Variants in ISM1 observed in about 807,000 individuals in gnomAD.
The protein encoded by ISM1 is isthmin-1.
ISM1 carries 25 observed loss-of-function variants against 46.3 expected under a neutral mutation model. The observed-to-expected ratio is 0.54, with a 90% CI of 0.39 to 0.75. The LOEUF is 0.75. Among genes scored for constraint, ISM1 ranks in the 30% least tolerant of loss-of-function variants. The probability of loss-of-function intolerance (pLI) is 0.00; values close to 1 mark genes in which losing one functional copy is unlikely to be tolerated. For synonymous variants in ISM1, 255 were observed against 256.7 expected, an observed-to-expected ratio of 0.99 and a Z score of 0.06; for missense variants, 536 against 625.4, an observed-to-expected ratio of 0.86 and a Z score of 1.52.
chr20:13,265,434 A>G (rs973983633), intron 1 of ISM1, among the ~76,000 whole-genome samples: 3 of 152,282 alleles, frequency 2.0e-5, no homozygotes, highest in Admixed American at 2.0e-4. Flanking sequence ...TTCAGTGTAC[A>G]TCAGTCAAGT....
intron 1 of ISM1, among the ~76,000 whole-genome samples, chr20:13,244,878 C>T (rs1374434053): frequency 1.3e-5 from 2 of 152,158 alleles, no homozygotes; most frequent in East Asian, 3.8e-4. Flanking sequence ...TGCCAGTTTT[C>T]TATTGGAAGG....
chr20:13,234,069 G>A (rs2039620434), intron 1 of ISM1, among the ~76,000 whole-genome samples: 1 of 152,144 alleles, frequency 6.6e-6, no homozygotes, highest in Admixed American at 6.5e-5. Context: ...CTCATCACCT[G>A]AGTAGTGAAT....
chr20:13,233,394 G>A (rs998992864), intron 1 of ISM1, among the ~76,000 whole-genome samples: 1 of 151,926 alleles, frequency 6.6e-6, no homozygotes, highest in South Asian at 2.1e-4. Context: ...TCGGGAGTTC[G>A]AGACCAGCCT....
intron 1 of ISM1, among the ~76,000 whole-genome samples, chr20:13,222,525 T>C (rs993756590): frequency 6.6e-6 from 1 of 151,966 alleles, no homozygotes; most frequent in East Asian, 1.9e-4. Flanking sequence ...CCCTTGGTCA[T>C]GGGGAAGGTG....
Position 13,237,141 on chromosome 20 carries a change from A to G in ISM1, c.138+15227A>G, listed in dbSNP as rs564556566. Among the ~76,000 whole-genome samples, 67 of 152,340 alleles carry G rather than the reference A, an allele frequency of 4.4e-4. 1 individual carries two copies. The highest frequency in any genetic ancestry group is 3.7e-3 in the Admixed American group (57 of 15,310). On this transcript the variant is annotated intron_variant, in intron 1 of 5. Transcript: ENST00000262487. ...CTGCAGCACACATGAAGTCCCTCCC[A>G]CAACACATGAGAATTCTGGGAGATA...
intron 1 of ISM1, among the ~76,000 whole-genome samples, chr20:13,223,300 C>T (rs1239114493): frequency 6.6e-6 from 1 of 152,062 alleles, no homozygotes; most frequent in Non-Finnish European, 1.5e-5. Flanking sequence ...CAATTTATTG[C>T]GAAAAACTTT....
At chr20:13,223,147 A>C (rs533013067) in intron 1 of ISM1, among the ~76,000 whole-genome samples, 1 of 149,022 alleles carries the variant, frequency 6.7e-6, no homozygotes, top group East Asian at 2.0e-4. Context: ...ACAGAGCGAG[A>C]CTCCGTCTCA....
intron 1 of ISM1, among the ~76,000 whole-genome samples, chr20:13,236,582 A>G (rs975468778): frequency 2.0e-5 from 3 of 152,206 alleles, no homozygotes; most frequent in Admixed American, 6.5e-5. Flanking sequence ...TCCACAGTCC[A>G]AAGTCTCATC....
At chr20:13,275,565 T>C (rs371775473) in intron 2 of ISM1, among the ~76,000 whole-genome samples, 1 of 152,318 alleles carries the variant, frequency 6.6e-6, no homozygotes, top group East Asian at 1.9e-4. Context: ...CGTAGCCCCA[T>C]GCGGGTTACT....
chr20:13,239,646 A>T (rs952593385), intron 1 of ISM1: 2 of 152,232 alleles, frequency 1.3e-5, no homozygotes, highest in South Asian at 2.1e-4. Context: ...CCGGGGCTTC[A>T]TCTGTGCTCC....
chr20:13,249,649 G>A (rs1219679498), intron 1 of ISM1, among the ~76,000 whole-genome samples: 6 of 152,216 alleles, frequency 3.9e-5, no homozygotes, highest in South Asian at 4.2e-4. Flanking sequence ...GTGGAATGCT[G>A]CTGAATTGGC....
At chr20:13,326,350 T>A in the ISM1 span, among the ~76,000 whole-genome samples, 2 of 152,274 alleles carry the variant, frequency 1.3e-5, no homozygotes, top group South Asian at 2.1e-4. Flanking sequence ...GACCGTTGGG[T>A]CATGTAGTAT....
chr20:13,233,821 G>T (rs1326349723), intron 1 of ISM1, among the ~76,000 whole-genome samples: 1 of 152,178 alleles, frequency 6.6e-6, no homozygotes, highest in African/African-American at 2.4e-5. Flanking sequence ...ATGGCCCAGA[G>T]ATAGACAAGA....
intron 1 of ISM1, among the ~76,000 whole-genome samples, chr20:13,236,894 T>C (rs8117522): frequency 0.067 from 10,249 of 152,304 alleles, 477 homozygotes; most frequent in Middle Eastern, 0.14. Flanking sequence ...GGGTACAGCC[T>C]CCCTCCAGCT....
At chr20:13,225,217 A>C (rs1269333700) in intron 1 of ISM1, among the ~76,000 whole-genome samples, 6 of 152,080 alleles carry the variant, frequency 3.9e-5, no homozygotes, top group Non-Finnish European at 8.8e-5. Context: ...TCCCTGTTTC[A>C]AAAGGAGAAA....
chr20:13,269,531 T>G (rs1350209728), intron 1 of ISM1, among the ~76,000 whole-genome samples: 1 of 152,228 alleles, frequency 6.6e-6, no homozygotes, highest in East Asian at 1.9e-4. Context: ...ACAGCTTCGC[T>G]GGCCATTCTG....
the ISM1 span, among the ~76,000 whole-genome samples, chr20:13,310,533 C>T: frequency 6.6e-6 from 1 of 151,962 alleles, no homozygotes; most frequent in Non-Finnish European, 1.5e-5. Context: ...TGTCTCCTGC[C>T]CAAATATGTA....
chr20:13,275,762 T>C (rs990308498), intron 2 of ISM1, among the ~76,000 whole-genome samples: 8 of 152,280 alleles, frequency 5.3e-5, no homozygotes, highest in Admixed American at 2.0e-4. Context: ...TAGATGCTCG[T>C]TGGTGATGAT....
At chr20:13,252,930 GC>G (rs919446609) in intron 1 of ISM1, among the ~76,000 whole-genome samples, 50 of 152,080 alleles carry the variant, frequency 3.3e-4, no homozygotes, top group African/African-American at 1.1e-3. Flanking sequence ...GGGGTCCCCA[GC>G]CCCCCCTCTC....
Sources: allele counts gnomAD v4.1 joint callset (sites outside exome capture counted in the v4.1 genomes callset), GRCh38; gene constraint gnomAD v4.1.1; transcripts MANE v1.5; gene names NCBI Gene and HGNC (gene_info 2026-07-23, HGNC 2026-07-21).